The following SMIM41 variants were observed in gnomAD, a reference collection of about 807,000 sequenced individuals.
SMIM41 encodes the protein small integral membrane protein 41.
chr12:52,090,836 G>C (rs1014723584), intron 2 of SMIM41, among the ~76,000 whole-genome samples: 1 of 152,104 alleles, frequency 6.6e-6, no homozygotes, highest in Non-Finnish European at 1.5e-5. Context: ...CCAGCGAGTG[G>C]GGCAGCTTCT....
chr12:52,103,052 G>A (rs1161475874), intron 2 of SMIM41, among the ~76,000 whole-genome samples: 2 of 152,200 alleles, frequency 1.3e-5, no homozygotes, highest in Non-Finnish European at 2.9e-5. Context: ...TCTGGCCGGT[G>A]CGGTGGCTCA....
chr12:52,099,528 C>T (rs1381350768), intron 2 of SMIM41, among the ~76,000 whole-genome samples: 2 of 151,872 alleles, frequency 1.3e-5, no homozygotes, highest in East Asian at 1.9e-4. Flanking sequence ...GGTGTACATC[C>T]GTGCGATATT....
intron 2 of SMIM41, among the ~76,000 whole-genome samples, chr12:52,089,653 G>A (rs547097039): frequency 1.9e-4 from 29 of 151,186 alleles, no homozygotes; most frequent in South Asian, 8.3e-4. Context: ...AGGAGAATCC[G>A]TCCTTGCCTC....
chr12:52,107,190 A>G (rs1004039446), intron 2 of SMIM41, 189 bp from the exon 3 acceptor site: 52 of 359,634 alleles, frequency 1.4e-4, no homozygotes, highest in African/African-American at 1.0e-3. Flanking sequence ...ACTGCAAAAT[A>G]TTCCTGAGTG....
Sources: allele counts gnomAD v4.1 joint callset (sites outside exome capture counted in the v4.1 genomes callset), GRCh38; gene constraint gnomAD v4.1.1; transcripts MANE v1.5; gene names NCBI Gene and HGNC (gene_info 2026-07-23, HGNC 2026-07-21).